The following PCDHGB1 variants were observed in gnomAD, a reference collection of about 807,000 sequenced individuals.
The protein encoded by PCDHGB1 is protocadherin gamma subfamily B, 1.
A neutral mutation model predicts 56.6 loss-of-function variants in PCDHGB1; 34 were observed. The observed-to-expected ratio is 0.60, with a 90% CI of 0.46 to 0.80. The LOEUF (loss-of-function observed/expected upper bound fraction) is 0.80, where lower values mean the gene tolerates loss of function less well. Among genes scored for constraint, PCDHGB1 ranks in the 30% least tolerant of loss-of-function variants. The probability of loss-of-function intolerance (pLI) is 0.00; values close to 1 mark genes in which losing one functional copy is unlikely to be tolerated. For synonymous variants in PCDHGB1, 561 were observed against 505.9 expected (o/e 1.11, Z -1.46); for missense variants, 1,278 against 1,204.6 (o/e 1.06, Z -0.90).
At chr5:141,372,279 G>C in intron 1 of PCDHGB1, 1 of 1,613,176 alleles carries the variant, frequency 6.2e-7, no homozygotes, top group Non-Finnish European at 8.5e-7. Flanking sequence ...GGTGCGCACG[G>C]CGCGTACCTT....
chr5:141,415,098 G>A, intron 1 of PCDHGB1: 5 of 1,613,586 alleles, frequency 3.1e-6, no homozygotes, highest in Non-Finnish European at 4.2e-6. Context: ...ACAGAGACGC[G>A]CTCAAGCAAA....
rs949539037 is a variant in PCDHGB1, at chr5:141,354,985, C to T, written c.2409+2316C>T. On this transcript the variant is annotated intron_variant, in intron 1 of 3. Transcript: ENST00000523390. The stretch of plus-strand genomic sequence containing the variant: ...TTAAGACTCTGGGTGTCGCTGTTCA[C>T]CAATCAGGGGGAAAAGACAAACCAG... The T allele has an allele frequency of 5.0e-6, 3 of 604,640 alleles. No individual in the cohort carries two copies. The African/African-American group carries it at 5.6e-5, about 11-fold the overall frequency. 37.5% of individuals were successfully genotyped at this position (604,640 alleles called of 1,614,324 possible).
At position 141,487,510 on chromosome 5, in the gene PCDHGB1, C is replaced by A; in HGVS notation, c.2410-7297C>A. On this transcript the variant is annotated intron_variant, in intron 1 of 3. Transcript: ENST00000523390. The surrounding 1 kb of genome is among the most constrained non-coding windows in gnomAD (Gnocchi z 5.0). ...GCTGTACACCCTTGGCTTCTGCACC[C>A]ACTCGGAGTGATAGCTTCATGATGG... is the stretch of plus-strand genomic sequence containing the variant. The A allele has an allele frequency of 6.2e-7, 1 of 1,614,210 alleles. No homozygotes were observed. Among genetic ancestry groups the A allele is most frequent in the Non-Finnish European group, 8.5e-7 (1 of 1,180,042 alleles).
intron 1 of PCDHGB1, chr5:141,422,542 G>T (rs368252552): frequency 1.2e-5 from 19 of 1,613,878 alleles, no homozygotes; most frequent in Admixed American, 1.7e-5. Context: ...AGAAACTCAT[G>T]TCTGGCTGAA....
At chr5:141,362,964 A>C (rs1762745634) in intron 1 of PCDHGB1, among the ~76,000 whole-genome samples, 1 of 152,250 alleles carries the variant, frequency 6.6e-6, no homozygotes, top group South Asian at 2.1e-4. Flanking sequence ...TTGGGAAACA[A>C]AGAAGAAAGA....
intron 1 of PCDHGB1, chr5:141,391,117 G>C (rs1180056630): frequency 6.6e-6 from 1 of 152,054 alleles, no homozygotes; most frequent in African/African-American, 2.4e-5. Flanking sequence ...TATAGCTAGA[G>C]GTCTTCTAAT....
intron 1 of PCDHGB1, among the ~76,000 whole-genome samples, chr5:141,456,824 G>C (rs2098890304): frequency 6.6e-6 from 1 of 152,052 alleles, no homozygotes; most frequent in African/African-American, 2.4e-5. Flanking sequence ...ATTAGCCATC[G>C]TGGTAGTGGG....
At chr5:141,360,338 T>C in intron 1 of PCDHGB1, 1 of 1,613,830 alleles carries the variant, frequency 6.2e-7, no homozygotes, top group East Asian at 2.2e-5. Flanking sequence ...AAGCTGCGGG[T>C]TAGCGCGGAG....
chr5:141,353,686 G>A (rs933691588), intron 1 of PCDHGB1, among the ~76,000 whole-genome samples: 3 of 152,112 alleles, frequency 2.0e-5, no homozygotes, highest in African/African-American at 7.2e-5. Context: ...GGTTTATAAA[G>A]CGTTTTCCAT....
At chr5:141,396,847 T>G (rs2093444333) in intron 1 of PCDHGB1, among the ~76,000 whole-genome samples, 1 of 152,190 alleles carries the variant, frequency 6.6e-6, no homozygotes. Context: ...GGGAGTTAAC[T>G]TCATAGTTTG....
chr5:141,464,970 G>A (rs550643230), intron 1 of PCDHGB1, among the ~76,000 whole-genome samples: 1 of 152,028 alleles, frequency 6.6e-6, no homozygotes, highest in East Asian at 1.9e-4. Flanking sequence ...TTGAACTACT[G>A]GCTTCAAGTG....
chr5:141,419,589 C>T (rs1187251820), intron 1 of PCDHGB1: 1 of 1,611,856 alleles, frequency 6.2e-7, no homozygotes, highest in Non-Finnish European at 8.5e-7. Flanking sequence ...CTCTTCGACA[C>T]AGTGCCGCGG....
intron 1 of PCDHGB1, chr5:141,428,413 C>A: frequency 2.2e-6 from 1 of 461,904 alleles, no homozygotes; most frequent in Non-Finnish European, 4.0e-6. Context: ...TTGCTTTCAC[C>A]CTGGTCTCTG....
chr5:141,476,584 C>T lies in PCDHGB1; in HGVS notation c.2410-18223C>T. 6.2e-7 allele frequency: 1 copy of T among 1,614,218 alleles called. No individual in the cohort carries two copies. The highest frequency in any genetic ancestry group is 8.5e-7 in the Non-Finnish European group (1 of 1,180,042). ...TGGCTCCGGGGACGCGCTTTCCGCTCGAGAGCGCGCACGATCCCGATGTGG... is the reference window on the plus strand; with the variant it reads ...TGGCTCCGGGGACGCGCTTTCCGCTTGAGAGCGCGCACGATCCCGATGTGG... On this transcript the variant is annotated intron_variant, in intron 1 of 3. Coordinates refer to ENST00000523390, the MANE Select transcript of PCDHGB1 (RefSeq NM_018922.3). The surrounding 1 kb of genome is among the most constrained non-coding windows in gnomAD (Gnocchi z 7.6).
At chr5:141,383,976 C>T (rs1438303235) in intron 1 of PCDHGB1, 1 of 1,613,642 alleles carries the variant, frequency 6.2e-7, no homozygotes, top group Non-Finnish European at 8.5e-7. Context: ...TCCCTGAAGA[C>T]ACACCTCTTG....
chr5:141,413,043 C>A, intron 1 of PCDHGB1: 1 of 864,340 alleles, frequency 1.2e-6, no homozygotes, highest in Non-Finnish European at 1.7e-6. Flanking sequence ...TGCTGGGCTG[C>A]AGGGAAGCTC....
intron 1 of PCDHGB1, chr5:141,357,812 C>T (rs1027882295): frequency 1.1e-5 from 8 of 753,406 alleles, no homozygotes; most frequent in African/African-American, 1.8e-5. Context: ...TTGTTTATTA[C>T]TTATCCTTTT....
intron 1 of PCDHGB1, among the ~76,000 whole-genome samples, chr5:141,434,467 T>C (rs1397980716): frequency 6.6e-6 from 1 of 152,226 alleles, no homozygotes; most frequent in Non-Finnish European, 1.5e-5. Flanking sequence ...TTTACCGGAA[T>C]GAGGGCAAGG....
chr5:141,484,426 C>T (rs377504062), intron 1 of PCDHGB1, among the ~76,000 whole-genome samples: 1 of 152,188 alleles, frequency 6.6e-6, no homozygotes, highest in African/African-American at 2.4e-5. Context: ...ACAATGAGAA[C>T]ATGTACTGCA....
Sources: allele counts gnomAD v4.1 joint callset (sites outside exome capture counted in the v4.1 genomes callset), GRCh38; gene constraint gnomAD v4.1.1; non-coding constraint Gnocchi (gnomAD v3.1); transcripts MANE v1.5; gene names NCBI Gene and HGNC (gene_info 2026-07-23, HGNC 2026-07-21).